Variants in CYTIP observed in about 807,000 individuals in gnomAD.
The protein encoded by CYTIP is cytohesin 1 interacting protein.
Under a neutral mutation model 43.8 loss-of-function variants are expected in CYTIP, and 26 were observed. That is an observed-to-expected ratio of 0.59 (90% CI 0.44 to 0.82). The LOEUF is 0.82. Ranked by LOEUF, CYTIP falls within the 40% of genes least tolerant of loss-of-function variation. The pLI, the probability that CYTIP is intolerant of heterozygous loss-of-function variation, is 0.00. For synonymous variants in CYTIP, 162 were observed against 162.9 expected (o/e 0.99, Z 0.04); for missense variants, 426 against 443.1 (o/e 0.96, Z 0.35).
At position 157,443,974 on chromosome 2, in the gene CYTIP, G is replaced by A. The variant is rs201390719; in HGVS notation, c.47C>T (p.Ala16Val). The A allele has an allele frequency of 2.1e-5, 34 of 1,613,896 alleles. No homozygotes were observed. Among genetic ancestry groups the A allele is most frequent in the African/African-American group, 9.3e-5 (7 of 74,922 alleles). Residue 16 changes from alanine to valine, a missense_variant, in exon 1 of 8, where the codon GCG becomes GTG. Transcript: ENST00000264192. ...LLQHSSNGNL[A>V]DFCAGPAYSS... is the part of the protein sequence containing the mutation. ...ATACGCTGGCCCAGCGCAGAAGTCC[G>A]CCAAATTGCCATTGCTGCTGTGTTG... is the stretch of plus-strand genomic sequence containing the variant.
chr2:157,428,306 G>T (rs1471056560), intron 5 of CYTIP, among the ~76,000 whole-genome samples: 1 of 152,190 alleles, frequency 6.6e-6, no homozygotes, highest in African/African-American at 2.4e-5. Context: ...CTATAAAGAT[G>T]CAAGGAATTT....
In CYTIP at chr2:157,434,849, T is replaced by TCACA. The variant is rs1214076041; in HGVS notation, c.175-106_175-103dup. On this transcript the variant is annotated intron_variant, in intron 1 of 7. Coordinates refer to ENST00000264192, the MANE Select transcript of CYTIP (RefSeq NM_004288.5). ...CTCTCTCTCTCTCTCTCTCTCTCTCTCACACACACACACACACACACACAC... is the reference window on the plus strand; with the variant it reads ...CTCTCTCTCTCTCTCTCTCTCTCTCTCACACACACACACACACACACACACACAC... 368 of 48,674 alleles carry TCACA rather than the reference T, an allele frequency of 7.6e-3. 1 individual carries two copies. The highest frequency in any genetic ancestry group is 0.02 in the East Asian group (24 of 1,224). The allele number at this position is 48,674 out of a possible 1,614,324, so 3.0% of individuals were successfully genotyped here. A position where few individuals can be genotyped will look rare whatever the true frequency, so the allele number is the denominator to read the frequency against.
intron 6 of CYTIP, among the ~76,000 whole-genome samples, chr2:157,422,090 G>A (rs1434735495): frequency 6.6e-6 from 1 of 152,192 alleles, no homozygotes; most frequent in African/African-American, 2.4e-5. Context: ...GAGCTTGTAT[G>A]TTGAAAGGCA....
chr2:157,442,202 T>C (rs12618857), intron 1 of CYTIP, among the ~76,000 whole-genome samples: 6 of 152,354 alleles, frequency 3.9e-5, no homozygotes, highest in East Asian at 3.9e-4. Context: ...TTCACTTCGA[T>C]GAGAGTATTC....
At chr2:157,437,038 C>T (rs1685819992) in intron 1 of CYTIP, among the ~76,000 whole-genome samples, 1 of 152,102 alleles carries the variant, frequency 6.6e-6, no homozygotes, top group East Asian at 1.9e-4. Flanking sequence ...CCATACCTCT[C>T]ACTCTATACA....
intron 7 of CYTIP, among the ~76,000 whole-genome samples, chr2:157,417,620 A>G (rs2105131189): frequency 6.6e-6 from 1 of 152,308 alleles, no homozygotes; most frequent in South Asian, 2.1e-4. Context: ...AAGAACTATT[A>G]TGAATTTTTT....
chr2:157,438,000 T>C (rs180790138), intron 1 of CYTIP, among the ~76,000 whole-genome samples: 17 of 152,266 alleles, frequency 1.1e-4, no homozygotes, highest in Non-Finnish European at 1.6e-4. Flanking sequence ...AACTACCATA[T>C]GATCCCGCAA....
intron 1 of CYTIP, among the ~76,000 whole-genome samples, chr2:157,440,222 C>T (rs1033978419): frequency 3.9e-5 from 6 of 152,158 alleles, no homozygotes; most frequent in South Asian, 2.1e-4. Context: ...GCAACTCCCA[C>T]CCACTTTTAA....
At chr2:157,422,749 C>G (rs1685542070) in intron 6 of CYTIP, among the ~76,000 whole-genome samples, 1 of 150,450 alleles carries the variant, frequency 6.6e-6, no homozygotes, top group African/African-American at 2.4e-5. Flanking sequence ...AGATATAATC[C>G]TCTGAGAGAT....
In CYTIP at chr2:157,430,873, A is replaced by G; in HGVS notation, c.369T>C (p.Ala123=). 6.2e-7 allele frequency: 1 copy of G among 1,609,408 alleles called. No homozygotes were observed. Among genetic ancestry groups the G allele is most frequent in the Non-Finnish European group, 8.5e-7 (1 of 1,178,780 alleles). The change falls in exon 4 of 8, where the codon GCT becomes GCC. Residue 123 remains alanine, a synonymous_variant. Transcript: ENST00000264192. ...AATTTAAGTTACCAGCTTGCAGGCC[A>G]GCACAGTGAGCTGGGCTGTCCTCCT... ...KIQEDSPAHC[A]GLQAGDVLAN...
Position 157,415,943 on chromosome 2 carries a change from C to G in CYTIP, c.814G>C (p.Gly272Arg). 1.9e-6 allele frequency: 3 copies of G among 1,614,192 alleles called. No individual in the cohort carries two copies. Among genetic ancestry groups the G allele is most frequent in the Non-Finnish European group, 2.5e-6 (3 of 1,180,028 alleles). ...QTCVSEDSSR[G>R]AFSRQTSTDD... ...GTACTCGTCTGCCGACTGAAGGCAC[C>G]CCTGCTGGAGTCCTCAGACACACAC... Residue 272 changes from glycine to arginine, a missense_variant, in exon 8 of 8, where the codon GGT becomes CGT. Physicochemically the swap from Gly to Arg is moderately radical, Grantham distance 125. Transcript: ENST00000264192.
In CYTIP at chr2:157,425,425, T is replaced by C. The variant is rs192299570; in HGVS notation, c.546+1926A>G. Among the ~76,000 whole-genome samples the C allele has an allele frequency of 4.8e-3, 729 of 152,268 alleles. 8 individuals carry two copies. The highest frequency in any genetic ancestry group is 0.01 in the Middle Eastern group (3 of 292). On this transcript the variant is annotated intron_variant, in intron 6 of 7. Coordinates refer to ENST00000264192, the MANE Select transcript of CYTIP (RefSeq NM_004288.5). ...ACCAGCTATAGAACAAAAATCTGTATTTTGTACTTTAAAAAAATTGATACA... is the reference window on the plus strand; with the variant it reads ...ACCAGCTATAGAACAAAAATCTGTACTTTGTACTTTAAAAAAATTGATACA...
chr2:157,434,074 A>C (rs1573860606), intron 3 of CYTIP: 1 of 444,524 alleles, frequency 2.2e-6, no homozygotes, highest in East Asian at 4.3e-5. Context: ...TCACTCTCTT[A>C]TCTAAGACCT....
chr2:157,434,945 TG>T (rs1685789365), intron 1 of CYTIP, among the ~76,000 whole-genome samples, 198 bp from the exon 2 acceptor site: 1 of 148,850 alleles, frequency 6.7e-6, no homozygotes, highest in African/African-American at 2.5e-5. Context: ...GGGAAATTGT[TG>T]CATAAAGGCA....
In CYTIP at chr2:157,415,864, G is replaced by A. The variant is rs1685431253; in HGVS notation, c.893C>T (p.Ser298Phe). 6.2e-7 allele frequency: 1 copy of A among 1,614,208 alleles called. No homozygotes were observed. Among genetic ancestry groups the A allele is most frequent in the East Asian group, 2.2e-5 (1 of 44,888 alleles). ...KEGDDFLRRSSSRRNRSISNT... is the reference protein window; with the variant it reads ...KEGDDFLRRSFSRRNRSISNT... ...ACTGATGCTCCGGTTCCTCCTTGAAGATGACCTCCTCAGAAAATCATCCCC... is the reference window on the plus strand; with the variant it reads ...ACTGATGCTCCGGTTCCTCCTTGAAAATGACCTCCTCAGAAAATCATCCCC... Residue 298 changes from serine (S) to phenylalanine (F), a missense_variant, in exon 8 of 8, where the codon TCT (serine) becomes TTT (phenylalanine). By Grantham distance (155) the Ser-to-Phe change is radical. Transcript: ENST00000264192.
chr2:157,429,718 C>T (rs1685673856), intron 5 of CYTIP, among the ~76,000 whole-genome samples: 1 of 152,040 alleles, frequency 6.6e-6, no homozygotes, highest in Non-Finnish European at 1.5e-5. Context: ...ATTGGGAAAG[C>T]CAGTGTTCTA....
intron 2 of CYTIP, 47 bp downstream of exon 2, chr2:157,434,651 G>A: frequency 7.0e-7 from 1 of 1,425,664 alleles, no homozygotes; most frequent in Non-Finnish European, 9.9e-7. Flanking sequence ...GGAGAGCTAT[G>A]TTCCTAAATA....
chr2:157,415,500 G>A lies in CYTIP; in HGVS notation c.*177C>T. The stretch of plus-strand genomic sequence containing the variant: ...GTCTGCTTAGAAATTGGCTGTTTAG[G>A]TTGAAAAATGATTTAAGAAGCATAA... On this transcript the variant is annotated 3_prime_UTR_variant, in exon 8 of 8. Transcript: ENST00000264192. 1 of 560,750 alleles carries A rather than the reference G, an allele frequency of 1.8e-6. No homozygotes were observed. Among genetic ancestry groups the A allele is most frequent in the South Asian group, 2.6e-5 (1 of 39,032 alleles). The allele number at this position is 560,750 out of a possible 1,614,324, so 34.7% of individuals were successfully genotyped here.
intron 7 of CYTIP, 145 bp from the exon 8 acceptor site, chr2:157,416,288 T>A: frequency 3.0e-6 from 2 of 676,026 alleles, no homozygotes; most frequent in Non-Finnish European, 4.9e-6. Context: ...CTTGAATAAG[T>A]AACTGTTTAT....
Sources: allele counts gnomAD v4.1 joint callset (sites outside exome capture counted in the v4.1 genomes callset), GRCh38; gene constraint gnomAD v4.1.1; transcripts MANE v1.5; gene names NCBI Gene and HGNC (gene_info 2026-07-23, HGNC 2026-07-21).